Variants in SLC2A12 observed in about 807,000 individuals in gnomAD.
SLC2A12 encodes the protein solute carrier family 2 member 12.
A neutral mutation model predicts 41.8 loss-of-function variants in SLC2A12; 23 were observed. The ratio of observed to expected loss-of-function variants is 0.55; its 90% confidence interval spans 0.40 to 0.78. The LOEUF (loss-of-function observed/expected upper bound fraction) is 0.78. SLC2A12 is among the 30% of genes least tolerant of loss of function. SLC2A12 has a pLI of 0.00. For missense variants in SLC2A12, 654 were observed against 745.6 expected, an observed-to-expected ratio of 0.88 and a Z score of 1.43; for synonymous variants, 295 against 285.9, an observed-to-expected ratio of 1.03 and a Z score of -0.32.
chr6:134,039,145 CAGTT>C (rs765576137), intron 1 of SLC2A12, among the ~76,000 whole-genome samples: 10 of 152,160 alleles, frequency 6.6e-5, no homozygotes, highest in Non-Finnish European at 8.8e-5. Flanking sequence ...TGTTTAGACA[CAGTT>C]ATTTATATGT....
At position 134,028,966 on chromosome 6, in the gene SLC2A12, A is replaced by C; in HGVS notation, c.859T>G (p.Phe287Val). Residue 287 changes from phenylalanine (F) to valine (V), a missense_variant, in exon 2 of 5, where the codon TTT (phenylalanine) becomes GTT (valine). Around this residue, in one of 3 missense-constraint regions of SLC2A12, gnomAD observed 411 missense variants for 412.1 expected, o/e 1.00. Coordinates refer to ENST00000275230, the MANE Select transcript of SLC2A12 (RefSeq NM_145176.3). ...TRIMIGLTLV[F>V]FVQITGQPNI... ...GGTTGGCCAGTGATTTGTACAAAAAATACTAGTGTTAGTCCTATCATTATT... is the reference window on the plus strand; with the variant it reads ...GGTTGGCCAGTGATTTGTACAAAAACTACTAGTGTTAGTCCTATCATTATT... The C allele has an allele frequency of 6.2e-7, 1 of 1,614,248 alleles. No individual in the cohort carries two copies.
chr6:134,006,845 G>C lies in SLC2A12; in HGVS notation c.1534C>G (p.Leu512Val), dbSNP rs1298205314. The change falls in exon 3 of 5, where the codon CTC becomes GTC. Residue 512 changes from leucine (L) to valine (V), a missense_variant. By Grantham distance (32) the Leu-to-Val change is conservative. Transcript: ENST00000275230. Reference sequence around the variant, plus strand: ...GTCAAAAATGTCAGCGAGATGAGGAGATTGATGCCCCAGTTCATGCTAGAA... The same window carrying C: ...GTCAAAAATGTCAGCGAGATGAGGACATTGATGCCCCAGTTCATGCTAGAA... ...LTSSMNWGIN[L>V]LISLTFLTVT... is the part of the protein sequence containing the mutation. The C allele has an allele frequency of 6.2e-7, 1 of 1,614,180 alleles. No homozygotes were observed. Among genetic ancestry groups the C allele is most frequent in the Non-Finnish European group, 8.5e-7 (1 of 1,180,028 alleles).
Position 134,052,484 on chromosome 6 carries a change from C to A in SLC2A12, c.-4G>T. On this transcript the variant is annotated 5_prime_UTR_variant, in exon 1 of 5. Transcript: ENST00000275230. ...CGGTGTTTTCAACAGGTACCATGGT[C>A]ACGTAGAAGTTACAGCCGCTTCCCC... is the stretch of plus-strand genomic sequence containing the variant. 6.2e-7 allele frequency: 1 copy of A among 1,612,298 alleles called. No homozygotes were observed. The highest frequency in any genetic ancestry group is 1.1e-5 in the South Asian group (1 of 91,008).
At chr6:134,024,368 G>A (rs991179207) in intron 2 of SLC2A12, among the ~76,000 whole-genome samples, 1 of 152,236 alleles carries the variant, frequency 6.6e-6, no homozygotes, top group Non-Finnish European at 1.5e-5. Context: ...CAGATGCCAA[G>A]ACCGCAGTCT....
intron 1 of SLC2A12, among the ~76,000 whole-genome samples, chr6:134,043,093 A>C (rs1439519617): frequency 3.3e-5 from 5 of 152,228 alleles, no homozygotes; most frequent in Non-Finnish European, 7.3e-5. Context: ...ATTCAATTGC[A>C]CTACAGCACT....
chr6:134,050,100 C>A (rs1419551621), intron 1 of SLC2A12, among the ~76,000 whole-genome samples: 1 of 152,076 alleles, frequency 6.6e-6, no homozygotes, highest in Non-Finnish European at 1.5e-5. Context: ...ATCTCAACAC[C>A]TTCATAAAAT....
At chr6:134,036,278 A>G (rs1379984091) in intron 1 of SLC2A12, among the ~76,000 whole-genome samples, 1 of 152,188 alleles carries the variant, frequency 6.6e-6, no homozygotes, top group East Asian at 1.9e-4. Context: ...TTGTTCAAGA[A>G]AAACTTGCAG....
chr6:134,035,151 CAAAAA>C (rs71003662), intron 1 of SLC2A12, among the ~76,000 whole-genome samples: 5,119 of 107,736 alleles, frequency 0.048, 193 homozygotes, highest in African/African-American at 0.13. Flanking sequence ...GGCTGCCTGA[CAAAAA>C]AAAAAAAAAA....
At chr6:134,018,498 T>C (rs1776996456) in intron 2 of SLC2A12, among the ~76,000 whole-genome samples, 1 of 152,130 alleles carries the variant, frequency 6.6e-6, no homozygotes, top group East Asian at 1.9e-4. Flanking sequence ...TTCAAGCTCA[T>C]GTCCTCAAAG....
chr6:134,038,300 G>A (rs888414204), intron 1 of SLC2A12, among the ~76,000 whole-genome samples: 1 of 145,762 alleles, frequency 6.9e-6, no homozygotes, highest in East Asian at 2.0e-4. Context: ...TTGATTTGTG[G>A]TTCACTTTTT....
chr6:134,046,602 A>G (rs1204666860), intron 1 of SLC2A12, among the ~76,000 whole-genome samples: 1 of 152,076 alleles, frequency 6.6e-6, no homozygotes, highest in Non-Finnish European at 1.5e-5. Flanking sequence ...GGAGTTCGAG[A>G]CCAGCCTGGG....
intron 2 of SLC2A12, among the ~76,000 whole-genome samples, chr6:134,012,011 C>A (rs1033657369): frequency 4.6e-5 from 7 of 152,114 alleles, no homozygotes; most frequent in African/African-American, 1.7e-4. Context: ...CACGGCACTC[C>A]AACCTGGGAG....
At chr6:134,052,136 G>T (rs1773692252) in intron 1 of SLC2A12, among the ~76,000 whole-genome samples, 2 of 151,844 alleles carry the variant, frequency 1.3e-5, no homozygotes, top group Non-Finnish European at 2.9e-5. Context: ...GGCACATAAG[G>T]TTCCACCAAG....
At chr6:134,034,848 A>G (rs910657774) in intron 1 of SLC2A12, among the ~76,000 whole-genome samples, 6 of 152,184 alleles carry the variant, frequency 3.9e-5, no homozygotes, top group African/African-American at 1.4e-4. Context: ...TCTGCCTTTA[A>G]TAATGATGAA....
Position 133,990,139 on chromosome 6 carries a change from C to G in SLC2A12, c.*1016G>C, listed in dbSNP as rs1582591288. 1 of 152,644 alleles carries G rather than the reference C, an allele frequency of 6.6e-6. No homozygotes were observed. Among genetic ancestry groups the G allele is most frequent in the East Asian group, 1.9e-4 (1 of 5,200 alleles). 9.5% of individuals were successfully genotyped at this position (152,644 alleles called of 1,614,324 possible). A position where few individuals can be genotyped will look rare whatever the true frequency, so the allele number is the denominator to read the frequency against. On this transcript the variant is annotated 3_prime_UTR_variant, in exon 5 of 5. Coordinates refer to ENST00000275230, the MANE Select transcript of SLC2A12 (RefSeq NM_145176.3). ...TAGAAAAGAACATGAGGGAATTGTC[C>G]TGATGTCTGAATGTCATTTATTGTG...
At chr6:134,036,599 G>A (rs981367651) in intron 1 of SLC2A12, among the ~76,000 whole-genome samples, 6 of 152,092 alleles carry the variant, frequency 3.9e-5, no homozygotes, top group Non-Finnish European at 7.4e-5. Context: ...CTAGCCTTCT[G>A]GCACAAAGTA....
At chr6:134,032,352 A>G (rs1777219410) in intron 1 of SLC2A12, among the ~76,000 whole-genome samples, 1 of 149,354 alleles carries the variant, frequency 6.7e-6, no homozygotes, top group Non-Finnish European at 1.5e-5. Flanking sequence ...CTAATCAGAA[A>G]ACAAAATATT....
rs533247056 is a variant in SLC2A12 at position 134,025,485 on chromosome 6, C to A, written c.1444+2896G>T. ...ATATTAGTGGAATCTAAAGCTTAAA[C>A]CATATTTTAAAAAAATTAGCATAGA... On this transcript the variant is annotated intron_variant, in intron 2 of 4. Coordinates refer to ENST00000275230, the MANE Select transcript of SLC2A12 (RefSeq NM_145176.3). Among the ~76,000 whole-genome samples the A allele has an allele frequency of 7.9e-5, 12 of 152,280 alleles. No homozygotes were observed. The East Asian group carries it at 2.3e-3, about 29-fold the overall frequency.
chr6:134,005,268 C>G (rs1776798012), intron 3 of SLC2A12, among the ~76,000 whole-genome samples: 1 of 152,036 alleles, frequency 6.6e-6, no homozygotes, highest in Non-Finnish European at 1.5e-5. Flanking sequence ...TTTTTTTATG[C>G]CTTGCCTTAT....
Sources: gnomAD v4.1 joint callset for allele counts (sites outside exome capture counted in the v4.1 genomes callset) on GRCh38, gnomAD v4.1.1 for gene constraint, gnomAD v4.1.1 regional missense constraint, MANE v1.5 for transcripts, NCBI Gene and HGNC (gene_info 2026-07-23, HGNC 2026-07-21) for gene names.